RPS6KA1: variants seen among roughly 807,000 people sequenced by gnomAD.
The protein encoded by RPS6KA1 is ribosomal protein S6 kinase A1.
In RPS6KA1, 48 loss-of-function variants were observed where a neutral mutation model predicts 91.3. The ratio of observed to expected loss-of-function variants is 0.53; its 90% CI spans 0.42 to 0.67. The LOEUF (loss-of-function observed/expected upper bound fraction) is 0.67, where lower values mean the gene tolerates loss of function less well. Among genes scored for constraint, RPS6KA1 ranks in the 30% least tolerant of loss-of-function variants. The probability of loss-of-function intolerance (pLI) is 0.00; values close to 1 mark genes in which losing one functional copy is unlikely to be tolerated. For synonymous variants in RPS6KA1, 359 were observed against 384.7 expected (o/e 0.93, Z 0.78); for missense variants, 719 against 960.5 (o/e 0.75, Z 3.32).
chr1:26,567,630 T>C (rs2076215214), intron 17 of RPS6KA1, among the ~76,000 whole-genome samples: 1 of 152,108 alleles, frequency 6.6e-6, no homozygotes, highest in East Asian at 1.9e-4. Context: ...CTGCCCGCCT[T>C]GGCCTTCCAA....
intron 2 of RPS6KA1, among the ~76,000 whole-genome samples, chr1:26,544,665 G>T (rs1163234940): frequency 6.6e-6 from 1 of 151,862 alleles, no homozygotes; most frequent in East Asian, 1.9e-4. Context: ...TAGTAGAGAC[G>T]GGGTTTCACC....
chr1:26,561,436 G>T lies in RPS6KA1; in HGVS notation c.1432-69G>T. 1.3e-6 allele frequency: 2 copies of T among 1,593,170 alleles called. No individual in the cohort carries two copies. Among genetic ancestry groups the T allele is most frequent in the Non-Finnish European group, 8.6e-7 (1 of 1,161,904 alleles). Reference sequence around the variant, plus strand: ...GCTCATGTCATTCTTCCCTGCTCTGGGGCGCTGCTGACCAGGGGGCTCAGG... The same window carrying T: ...GCTCATGTCATTCTTCCCTGCTCTGTGGCGCTGCTGACCAGGGGGCTCAGG... On this transcript the variant is annotated intron_variant, in intron 16 of 21. Coordinates refer to ENST00000374168, the MANE Select transcript of RPS6KA1 (RefSeq NM_002953.4). The surrounding 1 kb of genome is among the most constrained non-coding windows in gnomAD (Gnocchi z 5.7).
At chr1:26,544,563 C>A (rs535709105) in intron 2 of RPS6KA1, among the ~76,000 whole-genome samples, 1 of 152,024 alleles carries the variant, frequency 6.6e-6, no homozygotes, top group Non-Finnish European at 1.5e-5. Flanking sequence ...CAGCCTCCCC[C>A]TCCCAGGTTC....
Position 26,555,528 on chromosome 1 carries a change from C to A in RPS6KA1, c.828-9C>A. ...GCTCAGCCTTGATGAGTCCCGGGGG[C>A]TGTTTCAGGGCGAAGCTAGGCATGC... On this transcript the variant is annotated splice_polypyrimidine_tract_variant and intron_variant, in intron 10 of 21. Transcript: ENST00000374168. This position sits in a 1 kb window ranked among gnomAD's most constrained non-coding sequence, Gnocchi z 4.3. 6.3e-7 allele frequency: 1 copy of A among 1,579,108 alleles called. No individual in the cohort carries two copies.
chr1:26,557,084 G>C lies in RPS6KA1; in HGVS notation c.1068G>C (p.Thr356=), dbSNP rs753602876. 1.2e-6 allele frequency: 2 copies of C among 1,613,730 alleles called. No individual in the cohort carries two copies. The highest frequency in any genetic ancestry group is 2.2e-5 in the South Asian group (2 of 91,086). The change falls in exon 13 of 22, where the codon ACG becomes ACC. Residue 356 remains threonine (T), a synonymous_variant. Coordinates refer to ENST00000374168, the MANE Select transcript of RPS6KA1 (RefSeq NM_002953.4). ...CCTTCTACTTTGACACCGAGTTCAC[G>C]TCCCGCACACCCAAGGGTGCGTCCC... ...DDTFYFDTEF[T]SRTPKDSPGI...
intron 1 of RPS6KA1, among the ~76,000 whole-genome samples, chr1:26,532,342 G>A (rs1252946791): frequency 6.6e-6 from 1 of 152,194 alleles, no homozygotes. Context: ...TCTCAAGATA[G>A]GGATTATTAC....
intron 2 of RPS6KA1, chr1:26,546,074 T>A: frequency 6.3e-7 from 1 of 1,599,488 alleles, no homozygotes; most frequent in East Asian, 2.3e-5. Flanking sequence ...CCTGGCTGTG[T>A]CCCTTGCAGC....
intron 17 of RPS6KA1, among the ~76,000 whole-genome samples, chr1:26,568,428 C>G (rs1252650550): frequency 2.0e-5 from 3 of 152,130 alleles, no homozygotes; most frequent in Non-Finnish European, 2.9e-5. Flanking sequence ...TGTAGTTTCT[C>G]TATGTTGTAT....
At position 26,551,323 on chromosome 1, in the gene RPS6KA1, T is replaced by A; in HGVS notation, c.308-74T>A. ...CCTGGAGGAACAAGTGGAAAAGAGA[T>A]CCCTTAGCGGGGGCTTGGGAGTGGC... On this transcript the variant is annotated intron_variant, in intron 4 of 21. Transcript: ENST00000374168. This position sits in a 1 kb window ranked among gnomAD's most constrained non-coding sequence, Gnocchi z 4.5. 1 of 1,315,442 alleles carries A rather than the reference T, an allele frequency of 7.6e-7. No individual in the cohort carries two copies. The highest frequency in any genetic ancestry group is 1.1e-6 in the Non-Finnish European group (1 of 913,672). 81.5% of individuals were successfully genotyped at this position (1,315,442 alleles called of 1,614,324 possible). A position where few individuals can be genotyped will look rare whatever the true frequency, so the allele number is the denominator to read the frequency against.
intron 6 of RPS6KA1, chr1:26,552,912 G>A: frequency 3.0e-6 from 1 of 335,776 alleles, no homozygotes; most frequent in Non-Finnish European, 5.9e-6. Context: ...CATTTTTATT[G>A]GTTTCTTGTT....
At position 26,551,803 on chromosome 1, in the gene RPS6KA1, G is replaced by T. The variant is rs2076053220; in HGVS notation, c.468+80G>T. 2 of 1,289,470 alleles carry T rather than the reference G, an allele frequency of 1.6e-6. No individual in the cohort carries two copies. Among genetic ancestry groups the T allele is most frequent in the Non-Finnish European group, 2.2e-6 (2 of 889,960 alleles). The allele number at this position is 1,289,470 out of a possible 1,614,324, so 79.9% of individuals were successfully genotyped here. On this transcript the variant is annotated intron_variant, in intron 6 of 21. Transcript: ENST00000374168. This position sits in a 1 kb window ranked among gnomAD's most constrained non-coding sequence, Gnocchi z 4.5. Reference sequence around the variant, plus strand: ...TCCTCCCATCCCAGGGCCCTGTACAGAATGTGTTTGGTATGGCTTGAACCT... The same window carrying T: ...TCCTCCCATCCCAGGGCCCTGTACATAATGTGTTTGGTATGGCTTGAACCT...
At chr1:26,537,511 C>T (rs1263526986) in intron 2 of RPS6KA1, among the ~76,000 whole-genome samples, 2 of 152,216 alleles carry the variant, frequency 1.3e-5, no homozygotes, top group African/African-American at 4.8e-5. Context: ...TTCCCCTGGG[C>T]CCCTTCCTGT....
Position 26,561,203 on chromosome 1 carries a change from C to A in RPS6KA1, c.1431+69C>A. 7.1e-7 allele frequency: 1 copy of A among 1,413,244 alleles called. No homozygotes were observed. Among genetic ancestry groups the A allele is most frequent in the Non-Finnish European group, 1.0e-6 (1 of 1,003,614 alleles). 87.5% of individuals were successfully genotyped at this position (1,413,244 alleles called of 1,614,324 possible). On this transcript the variant is annotated intron_variant, in intron 16 of 21. Transcript: ENST00000374168. The surrounding 1 kb of genome is among the most constrained non-coding windows in gnomAD (Gnocchi z 5.7). ...ACTCTCAGGATTTGTCTCAGGATTG[C>A]CATTCCTTTGACTTCTCATCCTCTT... is the stretch of plus-strand genomic sequence containing the variant.
In RPS6KA1 at chr1:26,551,757, A is replaced by T; in HGVS notation, c.468+34A>T. 6.3e-7 allele frequency: 1 copy of T among 1,579,486 alleles called. No homozygotes were observed. Among genetic ancestry groups the T allele is most frequent in the Non-Finnish European group, 8.7e-7 (1 of 1,148,564 alleles). The stretch of plus-strand genomic sequence containing the variant: ...ACATCTACTGCCAGAGGGCCCCGGG[A>T]TGGAGCTGAGGGACGACAAGTCCTC... On this transcript the variant is annotated intron_variant, in intron 6 of 21. Transcript: ENST00000374168. This position sits in a 1 kb window ranked among gnomAD's most constrained non-coding sequence, Gnocchi z 4.5.
At chr1:26,535,020 C>T (rs1213114718) in intron 1 of RPS6KA1, among the ~76,000 whole-genome samples, 2 of 152,124 alleles carry the variant, frequency 1.3e-5, no homozygotes, top group Admixed American at 6.5e-5. Flanking sequence ...GTGGGGAAGG[C>T]TGTGGGGCAG....
chr1:26,547,007 G>A lies in RPS6KA1; in HGVS notation c.225+24G>A. 6.3e-7 allele frequency: 1 copy of A among 1,595,556 alleles called. No homozygotes were observed. Among genetic ancestry groups the A allele is most frequent in the Non-Finnish European group, 8.6e-7 (1 of 1,163,548 alleles). ...AAGTGAGTCATGAGCCCATAGCTGTGAAGGCAACACTCGTCATGTTAGAGG... is the reference window on the plus strand; with the variant it reads ...AAGTGAGTCATGAGCCCATAGCTGTAAAGGCAACACTCGTCATGTTAGAGG... On this transcript the variant is annotated intron_variant, in intron 3 of 21. Coordinates refer to ENST00000374168, the MANE Select transcript of RPS6KA1 (RefSeq NM_002953.4). The surrounding 1 kb of genome is among the most constrained non-coding windows in gnomAD (Gnocchi z 4.1).
At position 26,571,348 on chromosome 1, in the gene RPS6KA1, C is replaced by A; in HGVS notation, c.1591-101C>A. 8.8e-7 allele frequency: 1 copy of A among 1,131,038 alleles called. No homozygotes were observed. The highest frequency in any genetic ancestry group is 1.3e-6 in the Non-Finnish European group (1 of 767,458). 70.1% of individuals were successfully genotyped at this position (1,131,038 alleles called of 1,614,324 possible). A position where few individuals can be genotyped will look rare whatever the true frequency, so the allele number is the denominator to read the frequency against. On this transcript the variant is annotated intron_variant, in intron 17 of 21. Coordinates refer to ENST00000374168, the MANE Select transcript of RPS6KA1 (RefSeq NM_002953.4). This position sits in a 1 kb window ranked among gnomAD's most constrained non-coding sequence, Gnocchi z 5.1. ...CGGATGCCAAGTCCATGCACCCGTC[C>A]CTCTGCACCCTGTCTGTGTAGCTTT...
intron 1 of RPS6KA1, among the ~76,000 whole-genome samples, chr1:26,534,352 C>G (rs2075890660): frequency 6.6e-6 from 1 of 152,134 alleles, no homozygotes; most frequent in Non-Finnish European, 1.5e-5. Context: ...TGGCCCCTTC[C>G]CGAGTTAACC....
chr1:26,546,957 G>A lies in RPS6KA1; in HGVS notation c.199G>A (p.Val67Ile). Residue 67 changes from valine to isoleucine, a missense_variant, in exon 3 of 22, where the codon GTT becomes ATT. Physicochemically the swap from Val to Ile is conservative, Grantham distance 29. Coordinates refer to ENST00000374168, the MANE Select transcript of RPS6KA1 (RefSeq NM_002953.4). ...ADPSHFELLK[V>I]LGQGSFGKVF... ...TCCATCCCATTTCGAGCTCCTCAAG[G>A]TTCTGGGCCAGGGATCCTTTGGCAA... is the stretch of plus-strand genomic sequence containing the variant. 6.2e-7 allele frequency: 1 copy of A among 1,614,132 alleles called. No homozygotes were observed. The highest frequency in any genetic ancestry group is 8.5e-7 in the Non-Finnish European group (1 of 1,180,002).
Sources: allele counts gnomAD v4.1 joint callset (sites outside exome capture counted in the v4.1 genomes callset), GRCh38; gene constraint gnomAD v4.1.1; non-coding constraint Gnocchi (gnomAD v3.1); transcripts MANE v1.5; gene names NCBI Gene and HGNC (gene_info 2026-07-23, HGNC 2026-07-21).